DNAJC13: variants seen among roughly 807,000 people sequenced by gnomAD.
DNAJC13 encodes dnaJ homolog subfamily C member 13.
In DNAJC13, 75 loss-of-function variants were observed where a neutral mutation model predicts 290.5. The observed-to-expected ratio is 0.26, with a 90% confidence interval of 0.21 to 0.31. The LOEUF is 0.31. Ranked by LOEUF, DNAJC13 falls within the 10% of genes least tolerant of loss-of-function variation. The probability of loss-of-function intolerance (pLI) is 1.00; values close to 1 mark genes in which losing one functional copy is unlikely to be tolerated. For missense variants in DNAJC13, 2,260 were observed against 2,674.5 expected (o/e 0.85, Z 3.42); for synonymous variants, 862 against 892.0 (o/e 0.97, Z 0.60).
At chr3:132,499,468 A>G (rs964596933) in intron 37 of DNAJC13, among the ~76,000 whole-genome samples, 158 bp downstream of exon 37, 6 of 152,254 alleles carry the variant, frequency 3.9e-5, no homozygotes, top group African/African-American at 9.6e-5. Context: ...AAAGGTAGAA[A>G]TGGAGCTTTA....
intron 26 of DNAJC13, among the ~76,000 whole-genome samples, 179 bp downstream of exon 26, chr3:132,480,649 A>T (rs181405012): frequency 6.6e-6 from 1 of 152,324 alleles, no homozygotes; most frequent in East Asian, 1.9e-4. Context: ...ACGATCCAAA[A>T]TGGACAGTAA....
chr3:132,489,374 G>A (rs1267701476), intron 31 of DNAJC13, among the ~76,000 whole-genome samples: 1 of 151,930 alleles, frequency 6.6e-6, no homozygotes, highest in East Asian at 1.9e-4. Context: ...TAAGATTCAG[G>A]AAGACTTCAG....
chr3:132,530,898 C>T (rs953413578), intron 54 of DNAJC13, 100 bp from the exon 55 acceptor site: 6 of 994,618 alleles, frequency 6.0e-6, no homozygotes, highest in Non-Finnish European at 9.4e-6. Flanking sequence ...TCTTTCCTCA[C>T]TGGCCTTCTT....
Position 132,425,257 on chromosome 3 carries a change from C to T in DNAJC13, c.-14+7497C>T, listed in dbSNP as rs530693194. Among the ~76,000 whole-genome samples the T allele has an allele frequency of 2.8e-4, 42 of 152,218 alleles. No individual in the cohort carries two copies. The South Asian group carries it at 6.6e-3, about 24-fold the overall frequency. On this transcript the variant is annotated intron_variant, in intron 1 of 55. Transcript: ENST00000260818. ...TAAGATATAGCTGTAGGAAGTATTA[C>T]GTTCATAAATTAGTTCCTATGATGT... is the stretch of plus-strand genomic sequence containing the variant.
intron 1 of DNAJC13, among the ~76,000 whole-genome samples, chr3:132,427,216 G>A (rs1414749300): frequency 6.6e-6 from 1 of 150,588 alleles, no homozygotes; most frequent in Admixed American, 6.6e-5. Context: ...GCTCACTGCA[G>A]CCTCAGCCTC....
chr3:132,491,167 C>A, intron 32 of DNAJC13, 116 bp downstream of exon 32: 1 of 885,572 alleles, frequency 1.1e-6, no homozygotes, highest in Non-Finnish European at 1.6e-6. Flanking sequence ...TCTAAAATGA[C>A]AGTAATCATT....
intron 2 of DNAJC13, among the ~76,000 whole-genome samples, chr3:132,440,247 A>AT (rs1349334042): frequency 6.6e-6 from 1 of 152,240 alleles, no homozygotes; most frequent in African/African-American, 2.4e-5. Context: ...ATGGAGCTAG[A>AT]TTCCATCTCA....
intron 43 of DNAJC13, among the ~76,000 whole-genome samples, chr3:132,508,645 G>A (rs1326923966): frequency 2.6e-5 from 4 of 152,122 alleles, no homozygotes; most frequent in South Asian, 4.1e-4. Context: ...GAAGACGGGG[G>A]TGGTCAAGGT....
rs11917172 is a variant in DNAJC13 at position 132,447,422 on chromosome 3, T to G, written c.246T>G (p.Thr82=). ...FRKGSGKKSE[T]LKFSTEHRTE... is the part of the protein sequence containing the mutation. Reference sequence around the variant, plus strand: ...AAGGCAGTGGAAAAAAGTCAGAAACTTTAAAATTTTCTACAGAGCACAGAA... The same window carrying G: ...AAGGCAGTGGAAAAAAGTCAGAAACGTTAAAATTTTCTACAGAGCACAGAA... The change falls in exon 4 of 56, where the codon ACT becomes ACG. Residue 82 remains threonine, a synonymous_variant. Transcript: ENST00000260818. 0.12 allele frequency: 200,530 copies of G among 1,608,608 alleles called. 13,436 individuals are homozygous for G. The highest frequency in any genetic ancestry group is 0.17 in the South Asian group (15,327 of 90,310).
intron 48 of DNAJC13, among the ~76,000 whole-genome samples, chr3:132,519,133 G>T (rs532075510): frequency 1.3e-5 from 2 of 152,250 alleles, no homozygotes; most frequent in Non-Finnish European, 2.9e-5. Flanking sequence ...ACAGGTTTTT[G>T]TGTGGACATG....
intron 1 of DNAJC13, among the ~76,000 whole-genome samples, chr3:132,419,075 C>T (rs567872860): frequency 2.4e-4 from 36 of 152,306 alleles, no homozygotes; most frequent in African/African-American, 7.9e-4. Context: ...ATATCTCAGA[C>T]TTGGCTTGTG....
At chr3:132,479,176 T>C in intron 24 of DNAJC13, 51 bp from the exon 25 acceptor site, 3 of 1,234,796 alleles carry the variant, frequency 2.4e-6, no homozygotes, top group Non-Finnish European at 3.5e-6. Flanking sequence ...TAGTAATACC[T>C]TAATTTTTAT....
intron 20 of DNAJC13, among the ~76,000 whole-genome samples, chr3:132,468,677 T>C (rs1017114163): frequency 6.6e-6 from 1 of 152,036 alleles, no homozygotes; most frequent in South Asian, 2.1e-4. Context: ...CTCTATCTTA[T>C]AGGGTTTTTT....
At chr3:132,439,448 T>G (rs535668505) in intron 2 of DNAJC13, among the ~76,000 whole-genome samples, 2 of 151,944 alleles carry the variant, frequency 1.3e-5, no homozygotes, top group African/African-American at 4.8e-5. Context: ...TGTTTTTTTT[T>G]TTTTCCCCTC....
At position 132,446,427 on chromosome 3, in the gene DNAJC13, A is replaced by G. The variant is rs770365641; in HGVS notation, c.69-48A>G. On this transcript the variant is annotated intron_variant, in intron 2 of 55. Coordinates refer to ENST00000260818, the MANE Select transcript of DNAJC13 (RefSeq NM_015268.4). Reference sequence around the variant, plus strand: ...TGTGTTATATATATTTTCTTATAAAATATCTTTTTGTTTAAAACTAAATTT... The same window carrying G: ...TGTGTTATATATATTTTCTTATAAAGTATCTTTTTGTTTAAAACTAAATTT... The G allele has an allele frequency of 1.5e-5, 20 of 1,326,732 alleles. No individual in the cohort carries two copies. In the Admixed American group the frequency reaches 3.7e-4, roughly 25 times the overall value. 82.2% of individuals were successfully genotyped at this position (1,326,732 alleles called of 1,614,324 possible).
chr3:132,477,734 A>G (rs1258470947), intron 22 of DNAJC13, 55 bp from the exon 23 acceptor site: 3 of 1,340,876 alleles, frequency 2.2e-6, no homozygotes, highest in Non-Finnish European at 2.1e-6. Context: ...AATTATTAGA[A>G]ATTGCCAAAA....
At chr3:132,476,061 G>A (rs1036112486) in intron 22 of DNAJC13, among the ~76,000 whole-genome samples, 4 of 152,122 alleles carry the variant, frequency 2.6e-5, no homozygotes, top group Non-Finnish European at 4.4e-5. Context: ...CGCCTCCCCA[G>A]TAGGTGGGAC....
At chr3:132,485,340 A>G (rs1934830199) in intron 29 of DNAJC13, among the ~76,000 whole-genome samples, 1 of 152,018 alleles carries the variant, frequency 6.6e-6, no homozygotes, top group African/African-American at 2.4e-5. Context: ...GGGTTTTGCC[A>G]TGTTGACCAG....
chr3:132,504,042 A>G (rs1457858156), intron 41 of DNAJC13, among the ~76,000 whole-genome samples: 1 of 151,596 alleles, frequency 6.6e-6, no homozygotes, highest in Non-Finnish European at 1.5e-5. Context: ...TATTTTTGGT[A>G]TAACAAAATA....
Sources: allele counts gnomAD v4.1 joint callset (sites outside exome capture counted in the v4.1 genomes callset), GRCh38; gene constraint gnomAD v4.1.1; transcripts MANE v1.5; gene names NCBI Gene and HGNC (gene_info 2026-07-23, HGNC 2026-07-21).